CDC37: variants seen among roughly 807,000 people sequenced by gnomAD.
CDC37 encodes cell division cycle 37, HSP90 cochaperone.
A neutral mutation model predicts 46.9 loss-of-function variants in CDC37; 9 were observed. The observed-to-expected ratio is 0.19, with a 90% CI of 0.12 to 0.33. The LOEUF is 0.33. Ranked by LOEUF, CDC37 falls within the 10% of genes least tolerant of loss-of-function variation. CDC37 has a pLI of 1.00. For missense variants in CDC37, 388 were observed against 514.6 expected, an observed-to-expected ratio of 0.75 and a Z score of 2.38; for synonymous variants, 193 against 191.0, an observed-to-expected ratio of 1.01 and a Z score of -0.09.
chr19:10,393,291 C>G lies in CDC37; in HGVS notation c.877G>C (p.Asp293His). The change falls in exon 6 of 8, where the codon GAC becomes CAC. Residue 293 changes from aspartate to histidine, a missense_variant. Physicochemically the swap from Asp to His is moderately conservative, Grantham distance 81. Transcript: ENST00000222005. This position sits in a 1 kb window ranked among gnomAD's most constrained non-coding sequence, Gnocchi z 4.9. ...AGGGACTCGTAGACCTCGACGGGGT[C>G]CAGGCCGCCGGGGCCGAGCCGCTTC... ...RKKRLGPGGL[D>H]PVEVYESLPE... The G allele has an allele frequency of 6.2e-7, 1 of 1,613,464 alleles. No homozygotes were observed. Among genetic ancestry groups the G allele is most frequent in the Non-Finnish European group, 8.5e-7 (1 of 1,179,716 alleles).
At chr19:10,399,235 G>A (rs999248840) in intron 1 of CDC37, among the ~76,000 whole-genome samples, 11 of 151,514 alleles carry the variant, frequency 7.3e-5, no homozygotes, top group Non-Finnish European at 1.3e-4. Flanking sequence ...TTGGGAGGCC[G>A]AAGCGGGTGG....
At position 10,402,890 on chromosome 19, in the gene CDC37, G is replaced by A. The variant is rs1237228216; in HGVS notation, c.102+488C>T. On this transcript the variant is annotated intron_variant, in intron 1 of 7. Coordinates refer to ENST00000222005, the MANE Select transcript of CDC37 (RefSeq NM_007065.4). The stretch of plus-strand genomic sequence containing the variant: ...GACTCCGGATCTGAATGGGAACCCC[G>A]GATCAAGATCCCGGAAAGTAGATCC... 3.9e-5 allele frequency among the ~76,000 whole-genome samples: 6 copies of A among 151,934 alleles called. No individual in the cohort carries two copies. The East Asian group carries it at 5.8e-4, about 15-fold the overall frequency.
rs2042471999 is a variant in CDC37 at position 10,393,774 on chromosome 19, T to G, written c.727-333A>C. 1 of 268,658 alleles carries G rather than the reference T, an allele frequency of 3.7e-6. No homozygotes were observed. 16.6% of individuals were successfully genotyped at this position (268,658 alleles called of 1,614,324 possible). On this transcript the variant is annotated intron_variant, in intron 5 of 7. Transcript: ENST00000222005. The surrounding 1 kb of genome is among the most constrained non-coding windows in gnomAD (Gnocchi z 4.9). ...CTAATCTCGGTAAGGATAGCCCTGT[T>G]CCTCCAGGTACGCAGGTTAAAAATC...
chr19:10,400,335 G>A (rs1039004939), intron 1 of CDC37, among the ~76,000 whole-genome samples: 3 of 152,198 alleles, frequency 2.0e-5, no homozygotes, highest in Non-Finnish European at 2.9e-5. Flanking sequence ...CAGGAGAGCC[G>A]GCGAGCTGGG....
chr19:10,398,603 G>C lies in CDC37; in HGVS notation c.103-2400C>G, dbSNP rs890500441. Among the ~76,000 whole-genome samples, 3 of 152,218 alleles carry C rather than the reference G, an allele frequency of 2.0e-5. No individual in the cohort carries two copies. The highest frequency in any genetic ancestry group is 7.2e-5 in the African/African-American group (3 of 41,452). Reference sequence around the variant, plus strand: ...TCATATTGGAAGAAACTAAGGAGATGATTAGAGTAAAATGTCCCGAGCCAT... The same window carrying C: ...TCATATTGGAAGAAACTAAGGAGATCATTAGAGTAAAATGTCCCGAGCCAT... On this transcript the variant is annotated intron_variant, in intron 1 of 7. Coordinates refer to ENST00000222005, the MANE Select transcript of CDC37 (RefSeq NM_007065.4). The surrounding 1 kb of genome is among the most constrained non-coding windows in gnomAD (Gnocchi z 4.2).
At position 10,393,733 on chromosome 19, in the gene CDC37, C is replaced by CA. The variant is rs1190105944; in HGVS notation, c.727-293_727-292insT. 2.6e-6 allele frequency: 1 copy of CA among 386,894 alleles called. No individual in the cohort carries two copies. The highest frequency in any genetic ancestry group is 4.7e-6 in the Non-Finnish European group (1 of 214,048). 24.0% of individuals were successfully genotyped at this position (386,894 alleles called of 1,614,324 possible). The stretch of plus-strand genomic sequence containing the variant: ...TCAACATGGCCACCTCCCAGCCTGC[C>CA]TTGTCCTTGGTCTCCCTAATCTCGG... On this transcript the variant is annotated intron_variant, in intron 5 of 7. Coordinates refer to ENST00000222005, the MANE Select transcript of CDC37 (RefSeq NM_007065.4). The surrounding 1 kb of genome is among the most constrained non-coding windows in gnomAD (Gnocchi z 4.9).
chr19:10,397,292 T>G (rs571945913), intron 1 of CDC37, among the ~76,000 whole-genome samples: 1 of 152,162 alleles, frequency 6.6e-6, no homozygotes, highest in South Asian at 2.1e-4. Context: ...CAAGGTCTTG[T>G]TGTCATGCAG....
chr19:10,391,651 G>C lies in CDC37; in HGVS notation c.1037C>G (p.Ser346Cys), dbSNP rs1428412208. Reference sequence around the variant, plus strand: ...TCCCTCCTTGGCCTCGCTGGCCTTAGAGTTGGGGACCCAGAGGCCAGAGTC... The same window carrying C: ...TCCCTCCTTGGCCTCGCTGGCCTTACAGTTGGGGACCCAGAGGCCAGAGTC... ...CIDSGLWVPN[S>C]KASEAKEGEE... Residue 346 changes from serine (S) to cysteine (C), a missense_variant, in exon 8 of 8, where the codon TCT becomes TGT. This residue lies in a region of CDC37 where 374 missense variants were observed against 467.4 expected (regional missense o/e 0.80). Transcript: ENST00000222005. 1.9e-6 allele frequency: 3 copies of C among 1,614,048 alleles called. No homozygotes were observed. The highest frequency in any genetic ancestry group is 1.7e-6 in the Non-Finnish European group (2 of 1,180,000).
intron 5 of CDC37, among the ~76,000 whole-genome samples, chr19:10,394,030 C>G (rs975296144): frequency 6.6e-6 from 1 of 152,116 alleles, no homozygotes; most frequent in Non-Finnish European, 1.5e-5. Context: ...GCGGAGGTTG[C>G]AGTGAGCCGA....
At chr19:10,395,684 C>G in intron 2 of CDC37, 141 bp from the exon 3 acceptor site, 1 of 829,910 alleles carries the variant, frequency 1.2e-6, no homozygotes, top group Non-Finnish European at 2.0e-6. Flanking sequence ...GTGGCGGGAG[C>G]GTGGGCATGG....
At chr19:10,394,254 ACT>A (rs1196904209) in intron 5 of CDC37, among the ~76,000 whole-genome samples, 1 of 151,976 alleles carries the variant, frequency 6.6e-6, no homozygotes, top group Admixed American at 6.6e-5. Context: ...ACAGAGCAAG[ACT>A]CTGTCTCAAA....
At chr19:10,394,929 C>A (rs1265051045) in intron 5 of CDC37, 92 bp downstream of exon 5, 5 of 1,360,388 alleles carry the variant, frequency 3.7e-6, no homozygotes, top group Non-Finnish European at 4.9e-6. Context: ...GGGCTTGAGT[C>A]CCAGTGGAGA....
rs28382794 is a variant in CDC37 at position 10,391,578 on chromosome 19, C to T, written c.1110G>A (p.Thr370=). The change falls in exon 8 of 8, where the codon ACG becomes ACA. Residue 370 remains threonine (T), a synonymous_variant. Coordinates refer to ENST00000222005, the MANE Select transcript of CDC37 (RefSeq NM_007065.4). ...ACACACTGACATCCTTCTCATCGCC[C>T]GTCTTGGGAACAGCTTCCAGTAATG... ...GDPLLEAVPK[T]GDEKDVSV is the part of the protein sequence containing the mutation. 5.7e-4 allele frequency: 927 copies of T among 1,614,190 alleles called. 1 individual carries two copies. The highest frequency in any genetic ancestry group is 8.2e-4 in the Middle Eastern group (5 of 6,062).
At chr19:10,395,586 G>A (rs1647047468) in intron 2 of CDC37, 43 bp from the exon 3 acceptor site, 5 of 1,487,504 alleles carry the variant, frequency 3.4e-6, no homozygotes, top group African/African-American at 2.8e-5. Flanking sequence ...GCAAGGCTGC[G>A]GAGCGCCTCG....
At chr19:10,395,609 C>CGG (rs769795146) in intron 2 of CDC37, 66 bp from the exon 3 acceptor site, 2 of 1,285,558 alleles carry the variant, frequency 1.6e-6, no homozygotes, top group Admixed American at 3.4e-5. Context: ...CGCGGCCGGG[C>CGG]GGGCCGTGGT....
At chr19:10,401,295 A>G (rs2042517155) in intron 1 of CDC37, among the ~76,000 whole-genome samples, 1 of 152,174 alleles carries the variant, frequency 6.6e-6, no homozygotes, top group Non-Finnish European at 1.5e-5. Context: ...TTGGAACCCA[A>G]GCTTGCCTGT....
rs1183667122 is a variant in CDC37 at position 10,395,073 on chromosome 19, C to G, written c.674G>C (p.Ser225Thr). Residue 225 changes from serine to threonine, a missense_variant, in exon 5 of 8, where the codon AGC (serine) becomes ACC (threonine). By Grantham distance (58) the Ser-to-Thr change is moderately conservative (BLOSUM62 1). Around this residue, in one of 2 missense-constraint regions of CDC37, gnomAD observed 374 missense variants for 467.4 expected, o/e 0.80. Coordinates refer to ENST00000222005, the MANE Select transcript of CDC37 (RefSeq NM_007065.4). ...GCAGGCCCGGGGGTCCACCTTTAGG[C>G]TCTTGGCCAGCTCCAGGATAAATTG... ...VMQFILELAK[S>T]LKVDPRACFR... is the part of the protein sequence containing the mutation. 2 of 1,558,936 alleles carry G rather than the reference C, an allele frequency of 1.3e-6. No homozygotes were observed. The highest frequency in any genetic ancestry group is 2.3e-5 in the East Asian group (1 of 44,346).
intron 1 of CDC37, among the ~76,000 whole-genome samples, chr19:10,401,113 T>C (rs1240201694): frequency 1.3e-5 from 2 of 152,206 alleles, no homozygotes; most frequent in Non-Finnish European, 1.5e-5. Flanking sequence ...CCCTCCACAA[T>C]GCTTCCTTCC....
chr19:10,393,061 G>A lies in CDC37; in HGVS notation c.981+25C>T, dbSNP rs542185001. Reference sequence around the variant, plus strand: ...GGGGAGACACACGGCCCGCCGGGAAGGCATGGGGCGCGGGGGTTACTCACG... The same window carrying A: ...GGGGAGACACACGGCCCGCCGGGAAAGCATGGGGCGCGGGGGTTACTCACG... On this transcript the variant is annotated intron_variant, in intron 7 of 7. Coordinates refer to ENST00000222005, the MANE Select transcript of CDC37 (RefSeq NM_007065.4). This position sits in a 1 kb window ranked among gnomAD's most constrained non-coding sequence, Gnocchi z 4.9. The A allele has an allele frequency of 6.2e-7, 1 of 1,605,850 alleles. No individual in the cohort carries two copies. The highest frequency in any genetic ancestry group is 1.1e-5 in the South Asian group (1 of 90,922).
Sources: allele counts gnomAD v4.1 joint callset (sites outside exome capture counted in the v4.1 genomes callset), GRCh38; gene constraint gnomAD v4.1.1; regional missense constraint gnomAD v4.1.1; non-coding constraint Gnocchi (gnomAD v3.1); transcripts MANE v1.5; gene names NCBI Gene and HGNC (gene_info 2026-07-23, HGNC 2026-07-21).